Variants in ACSL4 observed in about 807,000 individuals in gnomAD.
ACSL4 encodes the protein acyl-CoA synthetase long chain family member 4, also known as long-chain-fatty-acid--CoA ligase 4.
A neutral mutation model predicts 49.1 loss-of-function variants in ACSL4; 9 were observed. That is an observed-to-expected ratio of 0.18 (90% CI 0.11 to 0.32). The LOEUF (loss-of-function observed/expected upper bound fraction) is 0.32, where lower values mean the gene tolerates loss of function less well. Ranked by LOEUF, ACSL4 falls within the 10% of genes least tolerant of loss-of-function variation. ACSL4 has a pLI of 1.00. For missense variants in ACSL4, 333 were observed against 493.7 expected (o/e 0.67, Z 3.08); for synonymous variants, 191 against 170.3 (o/e 1.12, Z -0.95).
chrX:109,645,139 G>C (rs1934608969), intron 15 of ACSL4, among the ~76,000 whole-genome samples: 1 of 113,429 alleles, frequency 8.8e-6, no homozygotes, highest in African/African-American at 3.2e-5. Flanking sequence ...AAACAAAGCA[G>C]CTGGGAAGCT....
At position 109,690,757 on chromosome X, in the gene ACSL4, TA is replaced by T. The variant is rs369457209; in HGVS notation, c.-13+5386del. ...ATCTGTCCTACATCCTAAGACATTT[TA>T]GGGGGGGGGGGCCTCTATAGATGTC... On this transcript the variant is annotated intron_variant, in intron 2 of 15. Transcript: ENST00000672401. Among the ~76,000 whole-genome samples the T allele has an allele frequency of 4.0e-3, 357 of 88,569 alleles. 2 individuals carry two copies. Among genetic ancestry groups the T allele is most frequent in the African/African-American group, 9.7e-3 (235 of 24,239 alleles). The allele number at this position is 88,569 out of a possible 115,157, so 76.9% of individuals were successfully genotyped here.
chrX:109,726,461 T>C (rs1266647904), intron 1 of ACSL4, among the ~76,000 whole-genome samples: 1 of 111,400 alleles, frequency 9.0e-6, no homozygotes, highest in East Asian at 2.8e-4. Context: ...AAAAAACAAA[T>C]ACAACCAACA....
intron 1 of ACSL4, among the ~76,000 whole-genome samples, chrX:109,721,539 C>T (rs1194096100): frequency 4.5e-5 from 5 of 110,856 alleles, no homozygotes; most frequent in South Asian, 3.8e-4. Flanking sequence ...CGAGACCAGC[C>T]GGGCCAACAT....
chrX:109,693,878 G>T lies in ACSL4; in HGVS notation c.-13+2266C>A, dbSNP rs187328992. Among the ~76,000 whole-genome samples, 20 of 111,261 alleles carry T rather than the reference G, an allele frequency of 1.8e-4. No homozygotes were observed. In the Admixed American group the frequency reaches 1.9e-3, roughly 11 times the overall value. ...GGTAGTTTTTTCCCTTCCAAATCTA[G>T]ATGGGCTGCAGATTGATTGCTATAA... is the stretch of plus-strand genomic sequence containing the variant. On this transcript the variant is annotated intron_variant, in intron 2 of 15. Coordinates refer to ENST00000672401, the MANE Select transcript of ACSL4 (RefSeq NM_001318510.2).
In ACSL4 at chrX:109,692,233, T is replaced by C. The variant is rs191016397; in HGVS notation, c.-13+3911A>G. 62 of 111,786 alleles carry C rather than the reference T, an allele frequency of 5.5e-4. No homozygotes were observed. In the East Asian group the frequency reaches 0.015, roughly 28 times the overall value. 9.2% of individuals were successfully genotyped at this position (111,786 alleles called of 1,213,427 possible). Reference sequence around the variant, plus strand: ...AGGTCATAGGATGTTATAATCAGTATCCTATCTATGTATGTTAAAATGAGG... The same window carrying C: ...AGGTCATAGGATGTTATAATCAGTACCCTATCTATGTATGTTAAAATGAGG... On this transcript the variant is annotated intron_variant, in intron 2 of 15. Transcript: ENST00000672401.
chrX:109,666,293 G>A (rs1922628102), intron 11 of ACSL4, among the ~76,000 whole-genome samples: 2 of 112,096 alleles, frequency 1.8e-5, no homozygotes, highest in African/African-American at 6.5e-5. Context: ...GGCATTAAAA[G>A]ATGGTTGTGA....
chrX:109,678,280 C>T lies in ACSL4; in HGVS notation c.791G>A (p.Arg264Lys), dbSNP rs778094841. The change falls in exon 7 of 16, where the codon AGA (arginine) becomes AAA (lysine). Residue 264 changes from arginine to lysine, a missense_variant. Arg to Lys is a conservative substitution (Grantham distance 26, BLOSUM62 2). Coordinates refer to ENST00000672401, the MANE Select transcript of ACSL4 (RefSeq NM_001318510.2). Reference protein sequence around the residue: ...LIAGMTGQCERIPGLGPKDTY... With the variant: ...LIAGMTGQCEKIPGLGPKDTY... ...ATTATCTTACCCCAGTCCAGGTATT[C>T]TTTCACACTGGCCTGTCATTCCAGC... The T allele has an allele frequency of 3.3e-6, 4 of 1,210,127 alleles. No individual in the cohort carries two copies. In the Admixed American group the frequency reaches 8.7e-5, roughly 26 times the overall value.
chrX:109,647,478 G>A (rs1378687607), intron 15 of ACSL4, among the ~76,000 whole-genome samples: 3 of 111,699 alleles, frequency 2.7e-5, no homozygotes, highest in African/African-American at 9.8e-5. Flanking sequence ...AAACCAACAA[G>A]AACAAAGACA....
At chrX:109,665,368 C>G in intron 12 of ACSL4, 52 bp downstream of exon 12, 1 of 1,019,588 alleles carries the variant, frequency 9.8e-7, no homozygotes, top group South Asian at 1.9e-5. Flanking sequence ...ATAAAGCTGA[C>G]AGTAGTTTTC....
chrX:109,731,670 T>C (rs1322236414), intron 1 of ACSL4, among the ~76,000 whole-genome samples: 1 of 111,570 alleles, frequency 9.0e-6, no homozygotes, highest in Non-Finnish European at 1.9e-5. Flanking sequence ...AAATTATTTC[T>C]TATAGCAGGA....
At chrX:109,649,535 T>C in intron 15 of ACSL4, among the ~76,000 whole-genome samples, 1 of 111,754 alleles carries the variant, frequency 8.9e-6, no homozygotes, top group Admixed American at 9.5e-5. Context: ...TCAAAATGGA[T>C]TAAAGACTTA....
At chrX:109,651,747 T>A (rs768575104) in intron 15 of ACSL4, among the ~76,000 whole-genome samples, 18 of 112,061 alleles carry the variant, frequency 1.6e-4, no homozygotes, top group African/African-American at 5.2e-4. Context: ...CTGACAAAAT[T>A]GGGACAAGGC....
rs1314406206 is a variant in ACSL4 at position 109,677,742 on chromosome X, T to C, written c.930+246A>G. 2.7e-5 allele frequency among the ~76,000 whole-genome samples: 3 copies of C among 110,442 alleles called. No homozygotes were observed. The South Asian group carries it at 1.2e-3, about 44-fold the overall frequency. On this transcript the variant is annotated intron_variant, in intron 8 of 15. Coordinates refer to ENST00000672401, the MANE Select transcript of ACSL4 (RefSeq NM_001318510.2). ...GTTGCAGTGAGCCAAGATCATACCA[T>C]TGCACTCCAGTCTGGGTGACAGAGC...
At chrX:109,666,528 G>A (rs1275885467) in intron 11 of ACSL4, among the ~76,000 whole-genome samples, 3 of 111,681 alleles carry the variant, frequency 2.7e-5, no homozygotes, top group Non-Finnish European at 3.8e-5. Flanking sequence ...TGATACATCA[G>A]GTATCAAGCA....
chrX:109,714,591 C>A (rs994048200), intron 1 of ACSL4, among the ~76,000 whole-genome samples: 1 of 111,579 alleles, frequency 9.0e-6, no homozygotes, highest in Non-Finnish European at 1.9e-5. Context: ...ATAGCTGAAC[C>A]ATTTTATCAT....
Position 109,668,103 on chromosome X carries a change from T to C in ACSL4, c.1313A>G (p.Glu438Gly). Reference protein sequence around the residue: ...TESCGAGTVTEVTDYTTGRVG... With the variant: ...TESCGAGTVTGVTDYTTGRVG... ...TTTACCACATTAATAATGCTTACCTTCAGTAACTGTCCCAGCACCACATGA... is the reference window on the plus strand; with the variant it reads ...TTTACCACATTAATAATGCTTACCTCCAGTAACTGTCCCAGCACCACATGA... The change falls in exon 11 of 16, where the codon GAA becomes GGA. Residue 438 changes from glutamate to glycine, a missense_variant and splice_region_variant. By Grantham distance (98) the Glu-to-Gly change is moderately conservative. Transcript: ENST00000672401. 1 of 1,196,552 alleles carries C rather than the reference T, an allele frequency of 8.4e-7. No individual in the cohort carries two copies. The highest frequency in any genetic ancestry group is 1.8e-5 in the South Asian group (1 of 56,050).
Position 109,643,906 on chromosome X carries a change from C to A in ACSL4, c.*123G>T, listed in dbSNP as rs1934524167. On this transcript the variant is annotated 3_prime_UTR_variant, in exon 16 of 16. Coordinates refer to ENST00000672401, the MANE Select transcript of ACSL4 (RefSeq NM_001318510.2). ...TTTTAATAACTTTTGGTTTTGTTTTCTTTTTACTCTATCTTTAGAATGATA... is the reference window on the plus strand; with the variant it reads ...TTTTAATAACTTTTGGTTTTGTTTTATTTTTACTCTATCTTTAGAATGATA... 2.2e-5 allele frequency: 19 copies of A among 871,705 alleles called. No individual in the cohort carries two copies. In the South Asian group the frequency reaches 2.6e-4, roughly 12 times the overall value. The allele number at this position is 871,705 out of a possible 1,213,427, so 71.8% of individuals were successfully genotyped here. A position where few individuals can be genotyped will look rare whatever the true frequency, so the allele number is the denominator to read the frequency against.
chrX:109,678,885 T>A (rs1252585232), intron 6 of ACSL4, among the ~76,000 whole-genome samples: 1 of 112,400 alleles, frequency 8.9e-6, no homozygotes, highest in African/African-American at 3.2e-5. Flanking sequence ...TCTGGATGTT[T>A]AACCTAATCT....
intron 2 of ACSL4, among the ~76,000 whole-genome samples, chrX:109,686,652 G>A (rs1204441470): frequency 9.0e-6 from 1 of 111,477 alleles, no homozygotes; most frequent in Non-Finnish European, 1.9e-5. Flanking sequence ...TGCATTGTAT[G>A]TTTTTTAGTT....
Sources: allele counts gnomAD v4.1 joint callset (sites outside exome capture counted in the v4.1 genomes callset), GRCh38; gene constraint gnomAD v4.1.1; transcripts MANE v1.5; gene names NCBI Gene and HGNC (gene_info 2026-07-23, HGNC 2026-07-21).